Variants in ZFHX3 observed in about 807,000 individuals in gnomAD.
The protein encoded by ZFHX3 is zinc finger homeobox protein 3.
A neutral mutation model predicts 279.1 loss-of-function variants in ZFHX3; 42 were observed. That is an observed-to-expected ratio of 0.15 (90% CI 0.12 to 0.19). The LOEUF (loss-of-function observed/expected upper bound fraction) is 0.19, where lower values mean the gene tolerates loss of function less well. Ranked by LOEUF, ZFHX3 falls within the 10% of genes least tolerant of loss-of-function variation. The probability of loss-of-function intolerance (pLI) is 1.00; values close to 1 mark genes in which losing one functional copy is unlikely to be tolerated. For missense variants in ZFHX3, 4,981 were observed against 4,754.0 expected, an observed-to-expected ratio of 1.05 and a Z score of -1.40; for synonymous variants, 2,293 against 1,957.8, an observed-to-expected ratio of 1.17 and a Z score of -4.52.
intron 2 of ZFHX3, among the ~76,000 whole-genome samples, chr16:73,525,870 G>A (rs991545997): frequency 2.0e-5 from 3 of 152,152 alleles, no homozygotes; most frequent in African/African-American, 7.2e-5. Context: ...TACATCAGCA[G>A]AGGCGAAAGC....
intron 5 of ZFHX3, among the ~76,000 whole-genome samples, chr16:73,213,898 C>A (rs1240885645): frequency 6.6e-6 from 1 of 152,154 alleles, no homozygotes; most frequent in Non-Finnish European, 1.5e-5. Context: ...CCATAAGCTG[C>A]TTTGGTCTTT....
At chr16:73,083,960 G>T (rs781438041) in intron 8 of ZFHX3, among the ~76,000 whole-genome samples, 31 of 152,252 alleles carry the variant, frequency 2.0e-4, no homozygotes, top group Middle Eastern at 3.4e-3. Flanking sequence ...GTTCTCAACT[G>T]GGGCTGACTT....
At chr16:72,826,369 T>C (rs2036928715) in intron 5 of ZFHX3, among the ~76,000 whole-genome samples, 1 of 152,322 alleles carries the variant, frequency 6.6e-6, no homozygotes, top group East Asian at 1.9e-4. Flanking sequence ...ATCTGCATCA[T>C]GAACAGCCAC....
intron 8 of ZFHX3, among the ~76,000 whole-genome samples, chr16:73,086,331 C>T (rs1192693041): frequency 6.6e-6 from 1 of 152,132 alleles, no homozygotes; most frequent in Non-Finnish European, 1.5e-5. Context: ...ATAGAACTAC[C>T]ATATGATCTG....
chr16:72,964,760 G>A (rs1364870351), intron 1 of ZFHX3, among the ~76,000 whole-genome samples: 1 of 151,980 alleles, frequency 6.6e-6, no homozygotes, highest in Non-Finnish European at 1.5e-5. Context: ...CATGGGTACA[G>A]CATCACTTTG....
At chr16:72,990,353 A>G (rs1271502381) in intron 1 of ZFHX3, among the ~76,000 whole-genome samples, 1 of 152,238 alleles carries the variant, frequency 6.6e-6, no homozygotes, top group Non-Finnish European at 1.5e-5. Context: ...ACTGCTCTAA[A>G]GCCCATGTCT....
intron 1 of ZFHX3, among the ~76,000 whole-genome samples, chr16:73,693,131 C>T (rs2053164789): frequency 6.6e-6 from 1 of 152,126 alleles, no homozygotes; most frequent in African/African-American, 2.4e-5. Context: ...ACAAGAAGGA[C>T]TTATACAAGG....
chr16:73,379,180 G>A (rs73590946), intron 3 of ZFHX3, among the ~76,000 whole-genome samples: 2,281 of 152,268 alleles, frequency 0.015, 69 homozygotes, highest in African/African-American at 0.051. Flanking sequence ...GATGTTTAAC[G>A]ATAATACCTG....
upstream of ZFHX3, among the ~76,000 whole-genome samples, chr16:73,064,115 T>C (rs990093009): frequency 6.6e-6 from 1 of 151,986 alleles, no homozygotes; most frequent in Non-Finnish European, 1.5e-5. Flanking sequence ...AAAAGGAGTT[T>C]TTTGGTGGGA....
rs1045730171 is a variant in ZFHX3, at chr16:72,797,017, TTTC to T, written c.5662_5664del (p.Glu1888del). 17 of 1,613,960 alleles carry T rather than the reference TTTC, an allele frequency of 1.1e-5. No homozygotes were observed. Among genetic ancestry groups the T allele is most frequent in the Non-Finnish European group, 1.4e-5 (16 of 1,180,032 alleles). ...TCGGCGCTGTCCCTCTCTCTCTGGC[TTTC>T]TTTTTCCTTTTCTTTGATGACCAAT... On this transcript the variant is annotated inframe_deletion, in exon 9 of 10. Coordinates refer to ENST00000268489, the MANE Select transcript of ZFHX3 (RefSeq NM_006885.4).
chr16:73,889,227 C>G (rs887176325), intron 1 of ZFHX3, among the ~76,000 whole-genome samples: 2 of 152,230 alleles, frequency 1.3e-5, no homozygotes, highest in Non-Finnish European at 2.9e-5. Context: ...AATAAGGACA[C>G]AGGTGCGGCT....
At chr16:73,629,208 T>C (rs771517182) in intron 2 of ZFHX3, among the ~76,000 whole-genome samples, 3 of 152,190 alleles carry the variant, frequency 2.0e-5, no homozygotes, top group Non-Finnish European at 4.4e-5. Context: ...CAGAGAAGTG[T>C]AATCCATCTC....
intron 2 of ZFHX3, among the ~76,000 whole-genome samples, chr16:73,647,716 A>G (rs1314345097): frequency 6.6e-6 from 1 of 152,116 alleles, no homozygotes; most frequent in Non-Finnish European, 1.5e-5. Flanking sequence ...TCCAGTTTAG[A>G]GTCAAGAAAA....
At chr16:72,814,875 C>T (rs2036559415) in intron 5 of ZFHX3, among the ~76,000 whole-genome samples, 1 of 152,106 alleles carries the variant, frequency 6.6e-6, no homozygotes, top group South Asian at 2.1e-4. Context: ...GGATATTAGC[C>T]ACCTGCAGCT....
At chr16:73,586,097 C>A (rs1007697608) in intron 2 of ZFHX3, among the ~76,000 whole-genome samples, 2 of 151,950 alleles carry the variant, frequency 1.3e-5, no homozygotes, top group Non-Finnish European at 2.9e-5. Flanking sequence ...CATATTAAAA[C>A]ATACACAAAA....
At chr16:73,099,014 G>T (rs1401173876) in intron 7 of ZFHX3, 2 of 152,218 alleles carry the variant, frequency 1.3e-5, no homozygotes, top group East Asian at 1.9e-4. Flanking sequence ...AGCAGAGGTT[G>T]TCATGAAATT....
chr16:73,537,829 G>C (rs987459766), intron 2 of ZFHX3, among the ~76,000 whole-genome samples: 1 of 152,170 alleles, frequency 6.6e-6, no homozygotes, highest in African/African-American at 2.4e-5. Flanking sequence ...AGGGACAAAA[G>C]CTGACCATTT....
chr16:73,890,622 C>T (rs980659749), intron 1 of ZFHX3, among the ~76,000 whole-genome samples: 1 of 152,148 alleles, frequency 6.6e-6, no homozygotes, highest in Non-Finnish European at 1.5e-5. Context: ...AAACACAGAA[C>T]TGAAGCTACA....
At chr16:73,887,862 TA>T (rs528409264) in intron 1 of ZFHX3, among the ~76,000 whole-genome samples, 4,492 of 152,128 alleles carry the variant, frequency 0.03, 107 homozygotes, top group African/African-American at 0.066. Context: ...GAATTTTTTT[TA>T]AAAAAACAAA....
Sources: allele counts gnomAD v4.1 joint callset (sites outside exome capture counted in the v4.1 genomes callset), GRCh38; gene constraint gnomAD v4.1.1; transcripts MANE v1.5; gene names NCBI Gene and HGNC (gene_info 2026-07-23, HGNC 2026-07-21).